Variants in FHIP1A observed in about 807,000 individuals in gnomAD.
FHIP1A encodes the protein FHF complex subunit HOOK interacting protein 1A.
In FHIP1A, 61 loss-of-function variants were observed where a neutral mutation model predicts 88.6. The observed-to-expected ratio is 0.69, with a 90% CI of 0.56 to 0.85. FHIP1A has a LOEUF of 0.85. Ranked by LOEUF, FHIP1A falls within the 40% of genes least tolerant of loss-of-function variation. The probability of loss-of-function intolerance (pLI) is 0.00; values close to 1 mark genes in which losing one functional copy is unlikely to be tolerated. For missense variants in FHIP1A, 1,154 were observed against 1,273.5 expected (o/e 0.91, Z 1.43); for synonymous variants, 478 against 496.0 (o/e 0.96, Z 0.48).
intron 8 of FHIP1A, among the ~76,000 whole-genome samples, chr4:151,633,293 G>T (rs1050935161): frequency 2.6e-5 from 4 of 151,814 alleles, no homozygotes; most frequent in Non-Finnish European, 5.9e-5. Flanking sequence ...CTTGCCTCAA[G>T]TAAGGAGATC....
chr4:151,605,858 C>T (rs1735053028), intron 7 of FHIP1A, among the ~76,000 whole-genome samples: 1 of 152,168 alleles, frequency 6.6e-6, no homozygotes, highest in Non-Finnish European at 1.5e-5. Context: ...GAGTTGCCCA[C>T]TTGCTGTAAG....
At chr4:151,574,801 A>G (rs1223791876) in intron 4 of FHIP1A, among the ~76,000 whole-genome samples, 1 of 152,202 alleles carries the variant, frequency 6.6e-6, no homozygotes, top group Admixed American at 6.5e-5. Flanking sequence ...CTTACATTTT[A>G]ATGATATAAA....
rs931432103 is a variant in FHIP1A, at chr4:151,656,133, T to C, written c.2552-99T>C. On this transcript the variant is annotated intron_variant, in intron 11 of 13. Transcript: ENST00000435205. The surrounding 1 kb of genome is among the most constrained non-coding windows in gnomAD (Gnocchi z 4.2). The stretch of plus-strand genomic sequence containing the variant: ...TGTCTGGCTTGCACCTGTGGGCCCA[T>C]GGTGGTTTGGGAGATGTGGCACCGA... The C allele has an allele frequency of 7.2e-5, 68 of 938,898 alleles. No homozygotes were observed. The highest frequency in any genetic ancestry group is 2.7e-4 in the Middle Eastern group (1 of 3,704). The allele number at this position is 938,898 out of a possible 1,614,324, so 58.2% of individuals were successfully genotyped here.
At chr4:151,624,329 A>T (rs933213618) in intron 7 of FHIP1A, among the ~76,000 whole-genome samples, 3 of 152,184 alleles carry the variant, frequency 2.0e-5, no homozygotes, top group Non-Finnish European at 2.9e-5. Flanking sequence ...TGAGGAAGCC[A>T]CATGGCCTTG....
intron 1 of FHIP1A, among the ~76,000 whole-genome samples, chr4:151,435,889 C>T (rs1221536883): frequency 6.6e-6 from 1 of 151,724 alleles, no homozygotes; most frequent in Non-Finnish European, 1.5e-5. Context: ...ATAGTAATTC[C>T]TAGCTGTAAA....
chr4:151,575,751 G>T (rs1036439828), intron 4 of FHIP1A, among the ~76,000 whole-genome samples: 1 of 152,148 alleles, frequency 6.6e-6, no homozygotes, highest in African/African-American at 2.4e-5. Context: ...GGTCTATAAC[G>T]ATTTTTTTCC....
chr4:151,431,692 A>G (rs1253184625), intron 1 of FHIP1A, among the ~76,000 whole-genome samples: 1 of 152,246 alleles, frequency 6.6e-6, no homozygotes, highest in Non-Finnish European at 1.5e-5. Flanking sequence ...ATGAGAATTA[A>G]TACTTTCTAA....
intron 1 of FHIP1A, among the ~76,000 whole-genome samples, chr4:151,435,955 AATG>A (rs931768657): frequency 1.1e-4 from 16 of 152,176 alleles, no homozygotes; most frequent in Non-Finnish European, 1.2e-4. Flanking sequence ...GGAATATCAA[AATG>A]ATGACATCAC....
At chr4:151,644,599 G>A (rs72956911) in intron 9 of FHIP1A, among the ~76,000 whole-genome samples, 5,150 of 152,086 alleles carry the variant, frequency 0.034, 290 homozygotes, top group African/African-American at 0.12. Context: ...CAGTCCTCCC[G>A]CCTTAGCTTC....
chr4:151,649,623 G>A lies in FHIP1A; in HGVS notation c.1582G>A (p.Asp528Asn), dbSNP rs371778098. Residue 528 changes from aspartate (D) to asparagine (N), a missense_variant, in exon 11 of 14, where the codon GAC (aspartate) becomes AAC (asparagine). Asp to Asn is a conservative substitution (Grantham distance 23). Coordinates refer to ENST00000435205, the MANE Select transcript of FHIP1A (RefSeq NM_001109977.3). ...CRVWSALYDG[D>N]SPDPEMFLQS... ...TGTCTGGTCCGCCCTGTATGATGGCGACTCCCCCGACCCTGAGATGTTTCT... is the reference window on the plus strand; with the variant it reads ...TGTCTGGTCCGCCCTGTATGATGGCAACTCCCCCGACCCTGAGATGTTTCT... 195 of 1,551,652 alleles carry A rather than the reference G, an allele frequency of 1.3e-4. 1 individual carries two copies. Among genetic ancestry groups the A allele is most frequent in the African/African-American group, 4.1e-5 (3 of 73,146 alleles).
At chr4:151,543,848 T>C (rs1421428329) in intron 3 of FHIP1A, among the ~76,000 whole-genome samples, 1 of 152,228 alleles carries the variant, frequency 6.6e-6, no homozygotes, top group Non-Finnish European at 1.5e-5. Context: ...GGATCAAAGA[T>C]TATGGCTTAA....
intron 7 of FHIP1A, among the ~76,000 whole-genome samples, chr4:151,607,368 C>T (rs764798013): frequency 2.4e-4 from 36 of 152,184 alleles, no homozygotes; most frequent in Non-Finnish European, 4.4e-4. Context: ...ACTATTAAAT[C>T]TGGATTGAAA....
At chr4:151,547,922 AAG>A (rs1732568925) in intron 3 of FHIP1A, among the ~76,000 whole-genome samples, 1 of 151,850 alleles carries the variant, frequency 6.6e-6, no homozygotes, top group South Asian at 2.1e-4. Flanking sequence ...TCAAAAGAAA[AAG>A]AAAAAAAAAA....
In FHIP1A at chr4:151,665,773, G is replaced by T. The variant is rs1279331027; in HGVS notation, c.*3019G>T. Reference sequence around the variant, plus strand: ...CCTAAAGTAAATCGGCAAGCCCTTAGAAATATCTTTTTTTATAATGAGTTG... The same window carrying T: ...CCTAAAGTAAATCGGCAAGCCCTTATAAATATCTTTTTTTATAATGAGTTG... On this transcript the variant is annotated 3_prime_UTR_variant, in exon 14 of 14. Transcript: ENST00000435205. Among the ~76,000 whole-genome samples the T allele has an allele frequency of 6.6e-6, 1 of 152,214 alleles. No individual in the cohort carries two copies. Among genetic ancestry groups the T allele is most frequent in the Admixed American group, 6.5e-5 (1 of 15,284 alleles).
Position 151,577,690 on chromosome 4 carries a change from A to G in FHIP1A, c.346A>G (p.Ile116Val). ...LRREFTDETKIEQLKMYEMLV... is the reference protein window; with the variant it reads ...LRREFTDETKVEQLKMYEMLV... Reference sequence around the variant, plus strand: ...AAGGGAGTTTACTGATGAGACTAAAATTGAGCAGCTAAAGATGTATGAGAT... The same window carrying G: ...AAGGGAGTTTACTGATGAGACTAAAGTTGAGCAGCTAAAGATGTATGAGAT... The change falls in exon 5 of 14, where the codon ATT (isoleucine) becomes GTT (valine). Residue 116 changes from isoleucine (I) to valine (V), a missense_variant. Ile to Val is a conservative substitution (Grantham distance 29, BLOSUM62 3). Coordinates refer to ENST00000435205, the MANE Select transcript of FHIP1A (RefSeq NM_001109977.3). The G allele has an allele frequency of 6.4e-7, 1 of 1,551,638 alleles. No homozygotes were observed. The highest frequency in any genetic ancestry group is 8.7e-7 in the Non-Finnish European group (1 of 1,146,958).
In FHIP1A at chr4:151,477,418, A is replaced by G. The variant is rs369671447; in HGVS notation, c.-247-5106A>G. Among the ~76,000 whole-genome samples, 7 of 152,288 alleles carry G rather than the reference A, an allele frequency of 4.6e-5. No homozygotes were observed. The East Asian group carries it at 1.3e-3, about 29-fold the overall frequency. On this transcript the variant is annotated intron_variant, in intron 2 of 13. Coordinates refer to ENST00000435205, the MANE Select transcript of FHIP1A (RefSeq NM_001109977.3). Reference sequence around the variant, plus strand: ...AATATAAACTAGATTGTAGAATAACATGGGAAAGTTATTTTATAATCTTGG... The same window carrying G: ...AATATAAACTAGATTGTAGAATAACGTGGGAAAGTTATTTTATAATCTTGG...
intron 3 of FHIP1A, among the ~76,000 whole-genome samples, chr4:151,501,523 T>C (rs907566400): frequency 1.3e-4 from 20 of 152,160 alleles, no homozygotes; most frequent in Non-Finnish European, 2.6e-4. Context: ...TGTTATCTCA[T>C]GGTTTTCATT....
At chr4:151,420,398 A>G (rs563671772) in intron 1 of FHIP1A, among the ~76,000 whole-genome samples, 1 of 35,694 alleles carries the variant, frequency 2.8e-5, no homozygotes, top group East Asian at 5.1e-4. Context: ...TCTTTTGAGA[A>G]GTGTCTGTTC....
chr4:151,423,006 G>A (rs1733233611), intron 1 of FHIP1A, among the ~76,000 whole-genome samples: 2 of 152,152 alleles, frequency 1.3e-5, no homozygotes, highest in African/African-American at 4.8e-5. Context: ...AGCCGTGAGA[G>A]TGATCAATAA....
Sources: gnomAD v4.1 joint callset for allele counts (sites outside exome capture counted in the v4.1 genomes callset) on GRCh38, gnomAD v4.1.1 for gene constraint, Gnocchi (gnomAD v3.1) non-coding constraint, MANE v1.5 for transcripts, NCBI Gene and HGNC (gene_info 2026-07-23, HGNC 2026-07-21) for gene names.